KCNIP4: variants seen among roughly 807,000 people sequenced by gnomAD.
The protein encoded by KCNIP4 is Kv channel-interacting protein 4.
In KCNIP4, 12 loss-of-function variants were observed where a neutral mutation model predicts 34.0. The observed-to-expected ratio is 0.35, with a 90% CI of 0.23 to 0.57. The LOEUF (loss-of-function observed/expected upper bound fraction) is 0.57. Ranked by LOEUF, KCNIP4 falls within the 20% of genes least tolerant of loss-of-function variation. KCNIP4 has a pLI of 0.83. For synonymous variants in KCNIP4, 124 were observed against 102.2 expected (o/e 1.21, Z -1.29); for missense variants, 238 against 311.7 (o/e 0.76, Z 1.78).
chr4:21,719,164 A>T (rs938404377), intron 1 of KCNIP4: 3 of 152,182 alleles, frequency 2.0e-5, no homozygotes, highest in Non-Finnish European at 4.4e-5. Context: ...AAACAGATAC[A>T]CATCTTCAGT....
rs531948691 is a variant in KCNIP4, at chr4:20,873,793, G to A, written c.163+8815C>T. Among the ~76,000 whole-genome samples, 79 of 152,248 alleles carry A rather than the reference G, an allele frequency of 5.2e-4. No homozygotes were observed. The South Asian group carries it at 0.012, about 24-fold the overall frequency. On this transcript the variant is annotated intron_variant, in intron 2 of 8. Transcript: ENST00000382152. ...CTCTCTGCAGAGTGAATGCAGCATA[G>A]TGCCCAGGAAAGTTTTCAAAATCTG...
intron 1 of KCNIP4, among the ~76,000 whole-genome samples, chr4:21,445,447 C>T (rs1464347082): frequency 6.6e-6 from 1 of 152,138 alleles, no homozygotes; most frequent in Non-Finnish European, 1.5e-5. Flanking sequence ...CGGAACAGAA[C>T]AGAGCCCTCA....
At chr4:21,523,369 T>G (rs765419811) in intron 1 of KCNIP4, among the ~76,000 whole-genome samples, 1 of 152,150 alleles carries the variant, frequency 6.6e-6, no homozygotes, top group Non-Finnish European at 1.5e-5. Flanking sequence ...ATATTTAGTA[T>G]GAGCATGCAC....
chr4:21,139,341 A>G (rs1751754630), intron 1 of KCNIP4, among the ~76,000 whole-genome samples: 1 of 152,238 alleles, frequency 6.6e-6, no homozygotes, highest in South Asian at 2.1e-4. Context: ...TTTCAGTTTT[A>G]TTATATCAGT....
At chr4:21,948,543 G>A (rs1218879395) in intron 1 of KCNIP4, 28 bp downstream of exon 1, 1 of 1,604,796 alleles carries the variant, frequency 6.2e-7, no homozygotes, top group Admixed American at 1.7e-5. Context: ...GGAAGCGGGC[G>A]CCCGCTCGCA....
At chr4:21,843,879 A>G (rs1488016912) in intron 1 of KCNIP4, 1 of 152,144 alleles carries the variant, frequency 6.6e-6, no homozygotes, top group East Asian at 1.9e-4. Context: ...ACATGAATGA[A>G]CAACACATAA....
At chr4:21,452,486 C>T (rs894157226) in intron 1 of KCNIP4, among the ~76,000 whole-genome samples, 1 of 152,082 alleles carries the variant, frequency 6.6e-6, no homozygotes, top group African/African-American at 2.4e-5. Context: ...TTACCAACTA[C>T]ATGGCTTCAG....
At chr4:20,851,021 C>G (rs541413204) in intron 2 of KCNIP4, among the ~76,000 whole-genome samples, 58 of 151,826 alleles carry the variant, frequency 3.8e-4, no homozygotes, top group Non-Finnish European at 7.2e-4. Flanking sequence ...ATAAATCTAA[C>G]AGTAACATAT....
At chr4:21,738,612 C>T (rs1716179669) in intron 1 of KCNIP4, among the ~76,000 whole-genome samples, 1 of 152,126 alleles carries the variant, frequency 6.6e-6, no homozygotes, top group Admixed American at 6.6e-5. Flanking sequence ...TTCACAGTGT[C>T]TCTGGTCAAA....
intron 1 of KCNIP4, among the ~76,000 whole-genome samples, chr4:21,807,481 C>A (rs1721368239): frequency 6.6e-6 from 1 of 152,174 alleles, no homozygotes; most frequent in East Asian, 1.9e-4. Context: ...GCTTGCCATG[C>A]ATATCAATAA....
At chr4:21,781,063 T>G (rs142053385) in intron 1 of KCNIP4, among the ~76,000 whole-genome samples, 180 of 152,306 alleles carry the variant, frequency 1.2e-3, no homozygotes, top group Non-Finnish European at 2.0e-3. Context: ...TAAATTCATC[T>G]GATATGGTTT....
intron 1 of KCNIP4, among the ~76,000 whole-genome samples, chr4:20,979,284 G>A (rs62293763): frequency 0.069 from 10,490 of 152,190 alleles, 468 homozygotes; most frequent in East Asian, 0.16. Context: ...ACTGGAAACG[G>A]ACAGTTCTCC....
intron 1 of KCNIP4, among the ~76,000 whole-genome samples, chr4:21,228,430 C>T (rs1204158517): frequency 2.0e-5 from 3 of 152,166 alleles, no homozygotes; most frequent in African/African-American, 7.2e-5. Flanking sequence ...AATGAAACCT[C>T]TCTTCTTCAT....
At chr4:21,125,222 T>TTTTATTTTAC (rs1389276622) in intron 1 of KCNIP4, among the ~76,000 whole-genome samples, 2 of 149,368 alleles carry the variant, frequency 1.3e-5, no homozygotes, top group African/African-American at 5.0e-5. Context: ...TTTTATTTTA[T>TTTTATTTTAC]TTTATTTTAT....
rs535573802 is a variant in KCNIP4, at chr4:21,285,495, T to C, written c.62-402786A>G. On this transcript the variant is annotated intron_variant, in intron 1 of 8. Coordinates refer to ENST00000382152, the MANE Select transcript of KCNIP4 (RefSeq NM_025221.6). ...GTTAGGAAGCAGTTGATGAGCCAAC[T>C]GCCTCCCAAAGGAAAACAATGCCAT... is the stretch of plus-strand genomic sequence containing the variant. Among the ~76,000 whole-genome samples, 8 of 152,188 alleles carry C rather than the reference T, an allele frequency of 5.3e-5. No homozygotes were observed. The East Asian group carries it at 1.4e-3, about 26-fold the overall frequency.
intron 1 of KCNIP4, among the ~76,000 whole-genome samples, chr4:21,321,445 T>C (rs2109301411): frequency 6.6e-6 from 1 of 152,154 alleles, no homozygotes; most frequent in Non-Finnish European, 1.5e-5. Flanking sequence ...TAAATATAGG[T>C]AATAGAGAAG....
intron 1 of KCNIP4, among the ~76,000 whole-genome samples, chr4:21,263,679 AT>A (rs907465958): frequency 6.6e-6 from 1 of 151,840 alleles, no homozygotes; most frequent in Non-Finnish European, 1.5e-5. Context: ...TTTTAATTTT[AT>A]TTTTTGCGAC....
intron 1 of KCNIP4, among the ~76,000 whole-genome samples, chr4:21,300,711 A>G (rs756471422): frequency 2.0e-5 from 3 of 152,158 alleles, no homozygotes; most frequent in Non-Finnish European, 4.4e-5. Flanking sequence ...CTGAGGTATG[A>G]TGAATTATCC....
At chr4:21,768,911 T>C (rs1175204199) in intron 1 of KCNIP4, among the ~76,000 whole-genome samples, 1 of 152,122 alleles carries the variant, frequency 6.6e-6, no homozygotes, top group Non-Finnish European at 1.5e-5. Context: ...TAATCATATG[T>C]CAATTTATTT....
Sources: gnomAD v4.1 joint callset for allele counts (sites outside exome capture counted in the v4.1 genomes callset) on GRCh38, gnomAD v4.1.1 for gene constraint, MANE v1.5 for transcripts, NCBI Gene and HGNC (gene_info 2026-07-23, HGNC 2026-07-21) for gene names.